ZNF410: variants seen among roughly 807,000 people sequenced by gnomAD.
The protein encoded by ZNF410 is another partner for ARF 1.
A neutral mutation model predicts 54.8 loss-of-function variants in ZNF410; 18 were observed. That is an observed-to-expected ratio of 0.33 (90% CI 0.23 to 0.49). ZNF410 has a LOEUF of 0.49. ZNF410 is among the 20% of genes least tolerant of loss of function. The pLI is 0.99. For missense variants in ZNF410, 405 were observed against 569.6 expected, an observed-to-expected ratio of 0.71 and a Z score of 2.94; for synonymous variants, 191 against 207.3, an observed-to-expected ratio of 0.92 and a Z score of 0.68.
chr14:73,905,151 G>C (rs1362485887), intron 7 of ZNF410, 68 bp downstream of exon 7: 1 of 1,516,370 alleles, frequency 6.6e-7, no homozygotes, highest in Non-Finnish European at 8.9e-7. Context: ...CTCTCCTTAG[G>C]AAAGACTCAA....
Position 73,932,395 on chromosome 14 carries a change from C to A in ZNF410, c.*854C>A. On this transcript the variant is annotated 3_prime_UTR_variant, in exon 12 of 12. Transcript: ENST00000555044. ...GGATTCCATACCAGTAAAACTGAAC[C>A]GAGGAGTCTTAGGAAACAACAAGAA... 4.5e-6 allele frequency: 2 copies of A among 440,750 alleles called. No homozygotes were observed. The highest frequency in any genetic ancestry group is 2.6e-5 in the Admixed American group (1 of 37,954). 27.3% of individuals were successfully genotyped at this position (440,750 alleles called of 1,614,324 possible).
chr14:73,898,662 A>C, intron 5 of ZNF410: 1 of 267,536 alleles, frequency 3.7e-6, no homozygotes, highest in Non-Finnish European at 6.9e-6. Context: ...AAACTACCAA[A>C]TCCATGAAAA....
chr14:73,927,971 G>A (rs55748911), intron 11 of ZNF410: 56,632 of 169,712 alleles, frequency 0.33, 10,704 homozygotes, highest in Non-Finnish European at 0.42. Flanking sequence ...CTGAGTAGCT[G>A]GGATTACAGG....
chr14:73,906,139 C>T (rs1249021798), intron 7 of ZNF410, among the ~76,000 whole-genome samples: 1 of 151,492 alleles, frequency 6.6e-6, no homozygotes, highest in Non-Finnish European at 1.5e-5. Context: ...GCTGGGACTA[C>T]AGGCACCCGC....
At chr14:73,915,028 C>G (rs569684560) in intron 8 of ZNF410, among the ~76,000 whole-genome samples, 1 of 150,828 alleles carries the variant, frequency 6.6e-6, no homozygotes, top group Admixed American at 6.6e-5. Flanking sequence ...TTTGGGAGGC[C>G]GAGTCAGGCA....
At chr14:73,903,743 C>T (rs1396881399) in intron 5 of ZNF410, 7 of 564,450 alleles carry the variant, frequency 1.2e-5, no homozygotes, top group Non-Finnish European at 1.8e-5. Flanking sequence ...TCAAGCAGTC[C>T]TCCCACCTTG....
At chr14:73,926,873 A>G (rs1161828447) in intron 11 of ZNF410, among the ~76,000 whole-genome samples, 1 of 152,028 alleles carries the variant, frequency 6.6e-6, no homozygotes. Context: ...ATTAGATTCA[A>G]TTTTTCCCCC....
At chr14:73,891,376 T>G (rs781102179) in intron 1 of ZNF410, among the ~76,000 whole-genome samples, 5 of 152,098 alleles carry the variant, frequency 3.3e-5, no homozygotes, top group African/African-American at 1.2e-4. Flanking sequence ...TTTTTTGAGA[T>G]AGAGTCTTGC....
chr14:73,920,908 C>G (rs943521673), intron 8 of ZNF410, 72 bp from the exon 9 acceptor site: 1 of 1,586,182 alleles, frequency 6.3e-7, no homozygotes, highest in Non-Finnish European at 8.6e-7. Flanking sequence ...CTCTGGGTTT[C>G]TCCATCTAGG....
chr14:73,892,002 T>C (rs1364013313), intron 1 of ZNF410, 25 bp from the exon 2 acceptor site: 4 of 316,940 alleles, frequency 1.3e-5, no homozygotes, highest in East Asian at 3.0e-5. Context: ...TAATGCCCCC[T>C]CTCTCTTTTT....
intron 8 of ZNF410, among the ~76,000 whole-genome samples, chr14:73,918,607 T>G (rs1232248204): frequency 1.3e-5 from 2 of 151,538 alleles, no homozygotes; most frequent in Non-Finnish European, 2.9e-5. Flanking sequence ...ATTGACCATG[T>G]CTCTCTTTCT....
chr14:73,915,350 T>A (rs963815552), intron 8 of ZNF410, among the ~76,000 whole-genome samples: 52 of 151,914 alleles, frequency 3.4e-4, no homozygotes, highest in African/African-American at 1.2e-3. Flanking sequence ...TTAATTTTTT[T>A]TTTTTAAGAC....
intron 5 of ZNF410, 92 bp from the exon 6 acceptor site, chr14:73,903,868 C>G: frequency 2.0e-6 from 3 of 1,480,212 alleles, no homozygotes; most frequent in Non-Finnish European, 1.8e-6. Flanking sequence ...GATTAATGAT[C>G]ACTAGGAGTA....
In ZNF410 at chr14:73,918,997, CTTTTTTTTTTTTTTTTT is replaced by C. The variant is rs906481832; in HGVS notation, c.1004-1969_1004-1953del. On this transcript the variant is annotated intron_variant, in intron 8 of 11. Coordinates refer to ENST00000555044, the MANE Select transcript of ZNF410 (RefSeq NM_021188.3). ...ACAGGAGTAAGCCACCGTGCCCGGC[CTTTTTTTTTTTTTTTTT>C]TTTTTTTTTTTTTGACAGAGTCTCA... 1.2e-4 allele frequency among the ~76,000 whole-genome samples: 7 copies of C among 60,622 alleles called. 1 individual carries two copies. The highest frequency in any genetic ancestry group is 4.8e-4 in the African/African-American group (5 of 10,514). The allele number at this position is 60,622 out of a possible 152,430, so 39.8% of individuals were successfully genotyped here.
At chr14:73,923,831 A>G (rs1566666354) in intron 11 of ZNF410, among the ~76,000 whole-genome samples, 1 of 152,208 alleles carries the variant, frequency 6.6e-6, no homozygotes, top group Non-Finnish European at 1.5e-5. Flanking sequence ...ATAAAAGCAC[A>G]CAGCAGGCAC....
chr14:73,925,951 C>T (rs1235364804), intron 11 of ZNF410, among the ~76,000 whole-genome samples: 1 of 152,118 alleles, frequency 6.6e-6, no homozygotes, highest in African/African-American at 2.4e-5. Context: ...GGAGGATCAC[C>T]TAAGCCTGGG....
chr14:73,897,971 C>CAAAAA lies in ZNF410; in HGVS notation c.389-85_389-81dup, dbSNP rs5809635. The CAAAAA allele has an allele frequency of 8.7e-4, 598 of 687,226 alleles. 2 individuals are homozygous for CAAAAA. Among genetic ancestry groups the CAAAAA allele is most frequent in the South Asian group, 3.5e-3 (136 of 39,380 alleles). 42.6% of individuals were successfully genotyped at this position (687,226 alleles called of 1,614,324 possible). On this transcript the variant is annotated intron_variant, in intron 4 of 11. Coordinates refer to ENST00000555044, the MANE Select transcript of ZNF410 (RefSeq NM_021188.3). Reference sequence around the variant, plus strand: ...TGGGTGACAGAGCGAGACGCCGTCTCAAAAAAAAAAAAAAAAAAAGGGACA... The same window carrying CAAAAA: ...TGGGTGACAGAGCGAGACGCCGTCTCAAAAAAAAAAAAAAAAAAAAAAAAGGGACA...
intron 7 of ZNF410, among the ~76,000 whole-genome samples, chr14:73,905,934 TAC>T (rs1192094823): frequency 5.6e-4 from 71 of 127,342 alleles, no homozygotes; most frequent in African/African-American, 2.0e-3. Flanking sequence ...TACACATACA[TAC>T]ATATATATAC....
chr14:73,899,193 T>TA (rs2055367998), intron 5 of ZNF410, among the ~76,000 whole-genome samples: 1 of 151,984 alleles, frequency 6.6e-6, no homozygotes, highest in Non-Finnish European at 1.5e-5. Flanking sequence ...CAAATGAAAA[T>TA]AAAAAGTTAA....
Sources: gnomAD v4.1 joint callset for allele counts (sites outside exome capture counted in the v4.1 genomes callset) on GRCh38, gnomAD v4.1.1 for gene constraint, MANE v1.5 for transcripts, NCBI Gene and HGNC (gene_info 2026-07-23, HGNC 2026-07-21) for gene names.